The following PLCB4 variants were observed in gnomAD, a reference collection of about 807,000 sequenced individuals.
PLCB4 encodes 1-phosphatidylinositol 4,5-bisphosphate phosphodiesterase beta-4.
PLCB4 carries 77 observed loss-of-function variants against 178.8 expected under a neutral mutation model. That is an observed-to-expected ratio of 0.43 (90% CI 0.36 to 0.52). The LOEUF is 0.52. PLCB4 is among the 20% of genes least tolerant of loss of function. The pLI is 0.00. For synonymous variants in PLCB4, 496 were observed against 490.8 expected (o/e 1.01, Z -0.14); for missense variants, 1,024 against 1,453.4 (o/e 0.70, Z 4.80).
At chr20:9,430,088 T>A (rs1042244060) in intron 28 of PLCB4, among the ~76,000 whole-genome samples, 4 of 151,946 alleles carry the variant, frequency 2.6e-5, no homozygotes, top group Non-Finnish European at 4.4e-5. Flanking sequence ...AAATAAAATT[T>A]AAAAAATAAA....
intron 2 of PLCB4, among the ~76,000 whole-genome samples, chr20:9,193,439 A>G (rs528327072): frequency 3.9e-4 from 59 of 152,276 alleles, no homozygotes; most frequent in Admixed American, 2.2e-3. Flanking sequence ...GCCCAGGGTT[A>G]TTTCCAGCCT....
intron 2 of PLCB4, among the ~76,000 whole-genome samples, chr20:9,107,879 G>A (rs1340836287): frequency 6.6e-6 from 1 of 152,104 alleles, no homozygotes; most frequent in African/African-American, 2.4e-5. Context: ...GGGGGATATT[G>A]ATTTTAACGA....
chr20:9,222,950 T>G (rs1222497277), intron 3 of PLCB4, among the ~76,000 whole-genome samples: 3 of 152,218 alleles, frequency 2.0e-5, no homozygotes, highest in Non-Finnish European at 4.4e-5. Context: ...CTTGAGGTGC[T>G]ATTGCTACTT....
intron 3 of PLCB4, among the ~76,000 whole-genome samples, chr20:9,271,745 CA>C (rs2094405214): frequency 1.3e-5 from 2 of 152,004 alleles, no homozygotes; most frequent in African/African-American, 4.8e-5. Flanking sequence ...TCCAAAATAG[CA>C]AATGTAGTAG....
At chr20:9,091,213 T>C in intron 1 of PLCB4, among the ~76,000 whole-genome samples, 1 of 111,892 alleles carries the variant, frequency 8.9e-6, no homozygotes. Flanking sequence ...AAGTACATGG[T>C]AGCTTTAAAA....
chr20:9,389,201 A>C (rs1568715170), intron 15 of PLCB4, among the ~76,000 whole-genome samples: 2 of 152,174 alleles, frequency 1.3e-5, no homozygotes. Context: ...GATTATGTTT[A>C]GCTCCTTCAA....
At chr20:9,105,797 G>A (rs2091341053) in intron 2 of PLCB4, among the ~76,000 whole-genome samples, 1 of 151,952 alleles carries the variant, frequency 6.6e-6, no homozygotes, top group African/African-American at 2.4e-5. Context: ...TGCTAATATA[G>A]AAATAATTCT....
At chr20:9,374,874 T>C (rs1471092371) in intron 12 of PLCB4, among the ~76,000 whole-genome samples, 4 of 152,186 alleles carry the variant, frequency 2.6e-5, no homozygotes, top group African/African-American at 9.6e-5. Context: ...CTTTAAGTAT[T>C]TATTATTTGT....
chr20:9,198,070 A>G (rs1043418325), intron 2 of PLCB4, among the ~76,000 whole-genome samples: 1 of 152,246 alleles, frequency 6.6e-6, no homozygotes, highest in African/African-American at 2.4e-5. Context: ...TCTCAACAAA[A>G]GGACTCTGCA....
chr20:9,210,266 G>A (rs771701550), intron 2 of PLCB4, among the ~76,000 whole-genome samples: 2 of 152,210 alleles, frequency 1.3e-5, no homozygotes, highest in Admixed American at 1.3e-4. Flanking sequence ...GTAAATGACA[G>A]ATAGAGGTAA....
At position 9,421,342 on chromosome 20, in the gene PLCB4, G is replaced by A. The variant is rs772944610; in HGVS notation, c.2200G>A (p.Val734Ile). The A allele has an allele frequency of 6.2e-6, 10 of 1,613,404 alleles. No homozygotes were observed. The highest frequency in any genetic ancestry group is 1.7e-4 in the Middle Eastern group (1 of 6,060). ...FLSDKKIGTY[V>I]EVDMYGLPTD... ...ATCAGATAAGAAAATTGGCACCTAC[G>A]TAGAGGTGGATATGTATGGGTTGCC... Residue 734 changes from valine (V) to isoleucine (I), a missense_variant, in exon 27 of 40, where the codon GTA (valine) becomes ATA (isoleucine). By Grantham distance (29) the Val-to-Ile change is conservative. This residue lies in a region of PLCB4 where 227 missense variants were observed against 374.3 expected (regional missense o/e 0.61). Transcript: ENST00000378473.
At chr20:9,441,619 G>T (rs1364711517) in intron 30 of PLCB4, among the ~76,000 whole-genome samples, 1 of 152,134 alleles carries the variant, frequency 6.6e-6, no homozygotes, top group East Asian at 1.9e-4. Context: ...TCTGGGGGCT[G>T]GTATTGGACA....
chr20:9,359,586 C>T (rs1180038835), intron 7 of PLCB4, among the ~76,000 whole-genome samples: 2 of 152,186 alleles, frequency 1.3e-5, no homozygotes, highest in Non-Finnish European at 2.9e-5. Context: ...TGGTCTGGTT[C>T]CCTAGCACCC....
intron 12 of PLCB4, 28 bp downstream of exon 12, chr20:9,373,132 A>G (rs1358374177): frequency 1.0e-5 from 12 of 1,187,256 alleles, no homozygotes; most frequent in Non-Finnish European, 1.4e-5. Flanking sequence ...TTAACTCCAT[A>G]AAGTCTGTGT....
chr20:9,401,440 T>C, intron 19 of PLCB4, 50 bp from the exon 20 acceptor site: 1 of 1,230,674 alleles, frequency 8.1e-7, no homozygotes, highest in Non-Finnish European at 1.2e-6. Flanking sequence ...AAGGTCTGAC[T>C]ACTTGGCAGT....
At chr20:9,325,269 G>A (rs2030294149) in intron 4 of PLCB4, among the ~76,000 whole-genome samples, 1 of 152,088 alleles carries the variant, frequency 6.6e-6, no homozygotes, top group Admixed American at 6.5e-5. Flanking sequence ...TAAGAATCCT[G>A]TTTACTTGCC....
chr20:9,460,138 G>A (rs988038453), intron 35 of PLCB4, among the ~76,000 whole-genome samples: 1 of 152,178 alleles, frequency 6.6e-6, no homozygotes, highest in Non-Finnish European at 1.5e-5. Flanking sequence ...AGGGCTTACA[G>A]GTGTTGGCAA....
At chr20:9,293,268 A>AAAGGGAAGGG (rs1363197528) in intron 3 of PLCB4, among the ~76,000 whole-genome samples, 30 of 149,240 alleles carry the variant, frequency 2.0e-4, no homozygotes, top group Non-Finnish European at 3.9e-4. Context: ...AAAGGGAAGG[A>AAAGGGAAGGG]AAGGGAAGGG....
chr20:9,247,985 C>T (rs2094142556), intron 3 of PLCB4, among the ~76,000 whole-genome samples: 1 of 152,120 alleles, frequency 6.6e-6, no homozygotes, highest in Admixed American at 6.5e-5. Flanking sequence ...CCCCGACTTA[C>T]AGCAGCATAA....
Sources: gnomAD v4.1 joint callset for allele counts (sites outside exome capture counted in the v4.1 genomes callset) on GRCh38, gnomAD v4.1.1 for gene constraint, gnomAD v4.1.1 regional missense constraint, MANE v1.5 for transcripts, NCBI Gene and HGNC (gene_info 2026-07-23, HGNC 2026-07-21) for gene names.